The following SPI1 variants were observed in gnomAD, a reference collection of about 807,000 sequenced individuals.
SPI1 encodes the protein Spi-1 proto-oncogene.
A neutral mutation model predicts 30.7 loss-of-function variants in SPI1; 3 were observed. That is an observed-to-expected ratio of 0.10 (90% CI 0.04 to 0.25). The LOEUF is 0.25. Ranked by LOEUF, SPI1 falls within the 10% of genes least tolerant of loss-of-function variation. The pLI is 1.00. For missense variants in SPI1, 261 were observed against 371.5 expected (o/e 0.70, Z 2.45); for synonymous variants, 169 against 157.1 (o/e 1.08, Z -0.56).
rs915410401 is a variant in SPI1 at position 47,359,509 on chromosome 11, G to A, written c.330+344C>T. Among the ~76,000 whole-genome samples, 17 of 152,132 alleles carry A rather than the reference G, an allele frequency of 1.1e-4. No homozygotes were observed. The highest frequency in any genetic ancestry group is 4.1e-4 in the African/African-American group (17 of 41,414). On this transcript the variant is annotated intron_variant, in intron 3 of 4. Transcript: ENST00000378538. The surrounding 1 kb of genome is among the most constrained non-coding windows in gnomAD (Gnocchi z 5.1). The stretch of plus-strand genomic sequence containing the variant: ...ACTGGGGAGAGGCAGGGTCAGTAGA[G>A]GTGTTCAGTGACTTGGTGTGGGATC...
chr11:47,378,315 G>A lies in SPI1; in HGVS notation c.39C>T (p.Val13=), dbSNP rs776434138. The A allele has an allele frequency of 2.5e-5, 40 of 1,613,744 alleles. No individual in the cohort carries two copies. Among genetic ancestry groups the A allele is most frequent in the African/African-American group, 5.3e-5 (4 of 74,938 alleles). The change falls in exon 1 of 5, where the codon GTC becomes GTT. Residue 13 remains valine (V), a synonymous_variant. Coordinates refer to ENST00000378538, the MANE Select transcript of SPI1 (RefSeq NM_003120.3). ...GAGGAGTCCCGGTACTCACAGGGGG[G>A]ACGAGGGGAAACCCTTCCATTTTGC... ...QACKMEGFPL[V]PPPSEDLVPY...
In SPI1 at chr11:47,359,714, T is replaced by TTGGAGCTCC; in HGVS notation, c.330+130_330+138dup. ...CACTTGGGGGGTCAGGCGGCAGCCG[T>TTGGAGCTCC]TGGAGCTCCAGCCGCCGTTGGCACT... On this transcript the variant is annotated intron_variant, in intron 3 of 4. Transcript: ENST00000378538. This position sits in a 1 kb window ranked among gnomAD's most constrained non-coding sequence, Gnocchi z 5.1. 1 of 914,104 alleles carries TTGGAGCTCC rather than the reference T, an allele frequency of 1.1e-6. No individual in the cohort carries two copies. Among genetic ancestry groups the TTGGAGCTCC allele is most frequent in the Non-Finnish European group, 1.6e-6 (1 of 606,682 alleles). 56.6% of individuals were successfully genotyped at this position (914,104 alleles called of 1,614,324 possible). A position where few individuals can be genotyped will look rare whatever the true frequency, so the allele number is the denominator to read the frequency against.
rs2095905870 is a variant in SPI1, at chr11:47,355,056, C to T, written c.*171G>A. 6.5e-6 allele frequency: 2 copies of T among 306,590 alleles called. No homozygotes were observed. The highest frequency in any genetic ancestry group is 5.1e-5 in the East Asian group (1 of 19,432). 19.0% of individuals were successfully genotyped at this position (306,590 alleles called of 1,614,324 possible). On this transcript the variant is annotated 3_prime_UTR_variant, in exon 5 of 5. Transcript: ENST00000378538. ...GGTGGAGTCCTGGAGGGAGGCGAAG[C>T]GGGATGTGGAGGGGGCCTGGAGTGG...
chr11:47,373,524 T>A (rs779648616), intron 2 of SPI1, among the ~76,000 whole-genome samples: 5 of 151,470 alleles, frequency 3.3e-5, no homozygotes, highest in Non-Finnish European at 5.9e-5. Context: ...AGTGCACGAT[T>A]GTAATCCTAG....
At chr11:47,367,726 A>T (rs572733250) in intron 2 of SPI1, among the ~76,000 whole-genome samples, 1 of 147,054 alleles carries the variant, frequency 6.8e-6, no homozygotes, top group African/African-American at 2.5e-5. Context: ...TGCAGCCACT[A>T]TGGGAAATAG....
At chr11:47,356,504 A>G (rs2095909704) in intron 4 of SPI1, among the ~76,000 whole-genome samples, 1 of 98,902 alleles carries the variant, frequency 1.0e-5, no homozygotes, top group Non-Finnish European at 2.1e-5. Context: ...TCTCACACTC[A>G]TATGCCCACT....
In SPI1 at chr11:47,359,997, G is replaced by A. The variant is rs368215281; in HGVS notation, c.186C>T (p.Phe62=). The A allele has an allele frequency of 6.7e-5, 107 of 1,601,644 alleles. No individual in the cohort carries two copies. The highest frequency in any genetic ancestry group is 1.3e-4 in the East Asian group (6 of 44,616). ...DFHPHHVHSE[F]ESFAENNFTE... Reference sequence around the variant, plus strand: ...TGAAGTTGTTCTCGGCGAAGCTCTCGAACTCGCTGTGCACGTGGTGGGGGT... The same window carrying A: ...TGAAGTTGTTCTCGGCGAAGCTCTCAAACTCGCTGTGCACGTGGTGGGGGT... The change falls in exon 3 of 5, where the codon TTC becomes TTT. Residue 62 remains phenylalanine (F), a synonymous_variant. Coordinates refer to ENST00000378538, the MANE Select transcript of SPI1 (RefSeq NM_003120.3). The surrounding 1 kb of genome is among the most constrained non-coding windows in gnomAD (Gnocchi z 5.1).
intron 4 of SPI1, 143 bp downstream of exon 4, chr11:47,358,701 C>A: frequency 2.3e-6 from 2 of 867,504 alleles, no homozygotes; most frequent in Non-Finnish European, 1.9e-6. Flanking sequence ...GACAGCCCCA[C>A]AAAACACACA....
At position 47,359,460 on chromosome 11, in the gene SPI1, G is replaced by A. The variant is rs981823225; in HGVS notation, c.330+393C>T. Among the ~76,000 whole-genome samples, 4 of 152,044 alleles carry A rather than the reference G, an allele frequency of 2.6e-5. No homozygotes were observed. Among genetic ancestry groups the A allele is most frequent in the South Asian group, 2.1e-4 (1 of 4,828 alleles). The stretch of plus-strand genomic sequence containing the variant: ...AGAGGTCAGCAGAGGTCACTGATCC[G>A]GGTTAGGGTCAGTAGGGAGGGTCAC... On this transcript the variant is annotated intron_variant, in intron 3 of 4. Transcript: ENST00000378538. The surrounding 1 kb of genome is among the most constrained non-coding windows in gnomAD (Gnocchi z 5.1).
chr11:47,374,383 G>C lies in SPI1; in HGVS notation c.142+1250C>G, dbSNP rs760924483. Among the ~76,000 whole-genome samples, 1 of 152,188 alleles carries C rather than the reference G, an allele frequency of 6.6e-6. No homozygotes were observed. Among genetic ancestry groups the C allele is most frequent in the Non-Finnish European group, 1.5e-5 (1 of 68,044 alleles). On this transcript the variant is annotated intron_variant, in intron 2 of 4. Transcript: ENST00000378538. The surrounding 1 kb of genome is among the most constrained non-coding windows in gnomAD (Gnocchi z 4.5). ...CCTGTGCGTTCCCAGCTGTGGCCTG[G>C]AGGCATATCCGCCTACCCCTGGGAT...
At chr11:47,361,456 C>T (rs1402621631) in intron 2 of SPI1, among the ~76,000 whole-genome samples, 1 of 152,196 alleles carries the variant, frequency 6.6e-6, no homozygotes, top group Non-Finnish European at 1.5e-5. Context: ...TAACCCCATG[C>T]CACCAAAAGC....
At chr11:47,362,892 A>G (rs2095923021) in intron 2 of SPI1, among the ~76,000 whole-genome samples, 1 of 151,238 alleles carries the variant, frequency 6.6e-6, no homozygotes, top group Admixed American at 6.6e-5. Context: ...GTCTCTTAAC[A>G]AAAAAGTATT....
chr11:47,368,297 G>A (rs1382689740), intron 2 of SPI1, among the ~76,000 whole-genome samples: 4 of 152,128 alleles, frequency 2.6e-5, no homozygotes, highest in Non-Finnish European at 4.4e-5. Flanking sequence ...CCTGGGAGGC[G>A]GAGGTTGCAG....
intron 2 of SPI1, among the ~76,000 whole-genome samples, chr11:47,371,145 C>T (rs1021511191): frequency 1.3e-5 from 2 of 151,236 alleles, no homozygotes; most frequent in African/African-American, 2.4e-5. Context: ...TGGATCACAA[C>T]GTCAGGAGAT....
At chr11:47,361,345 G>A (rs2095920563) in intron 2 of SPI1, among the ~76,000 whole-genome samples, 1 of 152,094 alleles carries the variant, frequency 6.6e-6, no homozygotes, top group African/African-American at 2.4e-5. Context: ...CTTAAGCAGT[G>A]GCACCTGTGT....
chr11:47,360,227 C>T (rs941406450), intron 2 of SPI1, among the ~76,000 whole-genome samples, 187 bp from the exon 3 acceptor site: 3 of 152,170 alleles, frequency 2.0e-5, no homozygotes, highest in African/African-American at 7.2e-5. Flanking sequence ...CGAGCGGCTA[C>T]ATAGCATGCC....
At chr11:47,360,117 A>T (rs757852472) in intron 2 of SPI1, 77 bp from the exon 3 acceptor site, 1 of 1,278,932 alleles carries the variant, frequency 7.8e-7, no homozygotes, top group Non-Finnish European at 1.1e-6. Flanking sequence ...AACATTAAAT[A>T]ATACTGCCAG....
chr11:47,363,997 TCTC>T (rs1208790556), intron 2 of SPI1, among the ~76,000 whole-genome samples: 1 of 139,032 alleles, frequency 7.2e-6, no homozygotes, highest in African/African-American at 2.7e-5. Flanking sequence ...CCTCTGAGAC[TCTC>T]CTCTGCAAAA....
rs764993077 is a variant in SPI1 at position 47,355,552 on chromosome 11, G to C, written c.494-6C>G. 1.5e-5 allele frequency: 24 copies of C among 1,564,898 alleles called. No homozygotes were observed. The highest frequency in any genetic ancestry group is 1.8e-5 in the Admixed American group (1 of 55,832). ...GCGGATCTTCTTCTTGCTGCCTGCG[G>C]GGGGGAGGGCCCGGTGGGAGGGGGC... On this transcript the variant is annotated splice_region_variant and splice_polypyrimidine_tract_variant and intron_variant, in intron 4 of 4. Coordinates refer to ENST00000378538, the MANE Select transcript of SPI1 (RefSeq NM_003120.3).
Sources: gnomAD v4.1 joint callset for allele counts (sites outside exome capture counted in the v4.1 genomes callset) on GRCh38, gnomAD v4.1.1 for gene constraint, Gnocchi (gnomAD v3.1) non-coding constraint, MANE v1.5 for transcripts, NCBI Gene and HGNC (gene_info 2026-07-23, HGNC 2026-07-21) for gene names.